The following LIG4 variants were observed in gnomAD, a reference collection of about 807,000 sequenced individuals.
LIG4 encodes the protein DNA ligase 4, also known as DNA joinase.
A neutral mutation model predicts 19.0 loss-of-function variants in LIG4; 13 were observed. The observed-to-expected ratio is 0.68, with a 90% confidence interval of 0.44 to 1.09. The LOEUF is 1.09. Ranked by LOEUF, LIG4 falls within the 50% of genes least tolerant of loss-of-function variation. The probability of loss-of-function intolerance (pLI) is 0.00; values close to 1 mark genes in which losing one functional copy is unlikely to be tolerated. For missense variants in LIG4, 1,026 were observed against 1,089.7 expected (o/e 0.94, Z 0.82); for synonymous variants, 361 against 358.2 (o/e 1.01, Z -0.09).
Position 108,210,253 on chromosome 13 carries a change from G to A in LIG4, c.1016C>T (p.Thr339Ile), listed in dbSNP as rs549389506. The A allele has an allele frequency of 1.5e-5, 25 of 1,613,654 alleles. No homozygotes were observed. The highest frequency in any genetic ancestry group is 2.0e-5 in the Non-Finnish European group (24 of 1,179,836). ...DGEMMAYNPN[T>I]QTFMQKGTKF... Reference sequence around the variant, plus strand: ...AGTTCCCTTTTGCATGAAAGTTTGTGTATTAGGATTATAGGCCATCATCTC... The same window carrying A: ...AGTTCCCTTTTGCATGAAAGTTTGTATATTAGGATTATAGGCCATCATCTC... The change falls in exon 3 of 3, where the codon ACA becomes ATA. Residue 339 changes from threonine to isoleucine, a missense_variant. By Grantham distance (89) the Thr-to-Ile change is moderately conservative. Around this residue, in one of 3 missense-constraint regions of LIG4, gnomAD observed 493 missense variants for 544.5 expected, o/e 0.91. Coordinates refer to ENST00000442234, the MANE Select transcript of LIG4 (RefSeq NM_206937.2).
chr13:108,216,439 G>A (rs1055790886), upstream of LIG4, among the ~76,000 whole-genome samples: 4 of 152,208 alleles, frequency 2.6e-5, no homozygotes, highest in Non-Finnish European at 5.9e-5. Context: ...TGCCCTTAGA[G>A]GTTGTGTAAT....
intron 1 of LIG4, 170 bp from the exon 2 acceptor site, chr13:108,214,780 TGGACTCG>T (rs1397615938): frequency 6.6e-6 from 1 of 152,192 alleles, no homozygotes; most frequent in Non-Finnish European, 1.5e-5. Flanking sequence ...TACAGCGCTG[TGGACTCG>T]GCAACTCCCA....
chr13:108,217,102 G>C (rs540540789), upstream of LIG4, among the ~76,000 whole-genome samples: 1 of 152,172 alleles, frequency 6.6e-6, no homozygotes, highest in African/African-American at 2.4e-5. Flanking sequence ...ACCACAGGCC[G>C]GGCCAGTGGC....
At chr13:108,212,172 T>A (rs985196667) in intron 2 of LIG4, among the ~76,000 whole-genome samples, 2 of 140,448 alleles carry the variant, frequency 1.4e-5, no homozygotes, top group African/African-American at 2.7e-5. Flanking sequence ...AAAGAAAATA[T>A]ATTCTGTAAA....
chr13:108,208,588 AC>A lies in LIG4; in HGVS notation c.2680del (p.Val894Ter), dbSNP rs763975869. On this transcript the variant is annotated frameshift_variant, in exon 3 of 3. Transcript: ENST00000442234. LOFTEE classifies it high-confidence loss of function. ...RKFKILKESW[V>X]TDSIDKCELQ... is the part of the protein sequence containing the mutation. ...TTCACACTTGTCTATTGAATCAGTT[AC>A]CCAACTTTCTTTTAGGATTTTAAAC... is the stretch of plus-strand genomic sequence containing the variant. 1 of 1,613,150 alleles carries A rather than the reference AC, an allele frequency of 6.2e-7. No individual in the cohort carries two copies. The highest frequency in any genetic ancestry group is 8.5e-7 in the Non-Finnish European group (1 of 1,179,394).
intron 2 of LIG4, among the ~76,000 whole-genome samples, chr13:108,213,891 T>G (rs1442621816): frequency 6.6e-6 from 1 of 152,230 alleles, no homozygotes; most frequent in Non-Finnish European, 1.5e-5. Context: ...GTCTTGATAA[T>G]TTTAATACTA....
rs1428996842 is a variant in LIG4 at position 108,207,731 on chromosome 13, G to C, written c.*802C>G. On this transcript the variant is annotated 3_prime_UTR_variant, in exon 3 of 3. Transcript: ENST00000442234. ...TTCTAATGAAAGTTACAATATGCAT[G>C]CCATATTGACACCTATTCAATAGAT... 2.0e-5 allele frequency: 3 copies of C among 152,076 alleles called. No individual in the cohort carries two copies. The highest frequency in any genetic ancestry group is 4.4e-5 in the Non-Finnish European group (3 of 67,996). The allele number at this position is 152,076 out of a possible 1,614,324, so 9.4% of individuals were successfully genotyped here.
At chr13:108,212,071 C>A (rs1045114578) in intron 2 of LIG4, among the ~76,000 whole-genome samples, 8 of 151,242 alleles carry the variant, frequency 5.3e-5, no homozygotes, top group African/African-American at 1.9e-4. Context: ...TTCATATTTC[C>A]ATGCCAGTTA....
Position 108,209,327 on chromosome 13 carries a change from T to C in LIG4, c.1942A>G (p.Asn648Asp). The C allele has an allele frequency of 1.2e-6, 2 of 1,614,098 alleles. No homozygotes were observed. The highest frequency in any genetic ancestry group is 1.7e-6 in the Non-Finnish European group (2 of 1,179,960). Residue 648 changes from asparagine to aspartate, a missense_variant, in exon 3 of 3, where the codon AAC becomes GAC. By Grantham distance (23) the Asn-to-Asp change is conservative (BLOSUM62 1). Transcript: ENST00000442234. ...IGIIEHLKAPNLTNVNKISNI... is the reference protein window; with the variant it reads ...IGIIEHLKAPDLTNVNKISNI... ...GAAATTTTGTTAACGTTAGTAAGGT[T>C]AGGTGCTTTTAAGTGCTCAATAATT... is the stretch of plus-strand genomic sequence containing the variant.
At position 108,208,744 on chromosome 13, in the gene LIG4, G is replaced by C. The variant is rs72660870; in HGVS notation, c.2525C>G (p.Ala842Gly). 4 of 1,614,116 alleles carry C rather than the reference G, an allele frequency of 2.5e-6. No homozygotes were observed. The highest frequency in any genetic ancestry group is 3.4e-6 in the Non-Finnish European group (4 of 1,180,014). The change falls in exon 3 of 3, where the codon GCC becomes GGC. Residue 842 changes from alanine to glycine, a missense_variant. Physicochemically the swap from Ala to Gly is moderately conservative, Grantham distance 60. Transcript: ENST00000442234. Reference protein sequence around the residue: ...KNEGTRLAIKALELRFHGAKV... With the variant: ...KNEGTRLAIKGLELRFHGAKV... ...TGCTCCATGAAACCGAAGCTCCAAG[G>C]CTTTAATAGCTAACCTTGTCCCCTC...
Position 108,209,062 on chromosome 13 carries a change from A to T in LIG4, c.2207T>A (p.Val736Glu). The T allele has an allele frequency of 6.2e-7, 1 of 1,614,186 alleles. No homozygotes were observed. The highest frequency in any genetic ancestry group is 8.5e-7 in the Non-Finnish European group (1 of 1,180,034). Reference sequence around the variant, plus strand: ...AATCATAAAGCGAGGCTGCCATGGTACAAAGCTTTTGGTCTTAAAACATTC... The same window carrying T: ...AATCATAAAGCGAGGCTGCCATGGTTCAAAGCTTTTGGTCTTAAAACATTC... ...LLECFKTKSF[V>E]PWQPRFMIHM... The change falls in exon 3 of 3, where the codon GTA becomes GAA. Residue 736 changes from valine (V) to glutamate (E), a missense_variant. Physicochemically the swap from Val to Glu is moderately radical, Grantham distance 121. Transcript: ENST00000442234.
In LIG4 at chr13:108,210,638, C is replaced by G; in HGVS notation, c.631G>C (p.Ala211Pro). 2 of 1,613,682 alleles carry G rather than the reference C, an allele frequency of 1.2e-6. No individual in the cohort carries two copies. Among genetic ancestry groups the G allele is most frequent in the Non-Finnish European group, 1.7e-6 (2 of 1,179,962 alleles). Residue 211 changes from alanine to proline, a missense_variant, in exon 3 of 3, where the codon GCT becomes CCT. Physicochemically the swap from Ala to Pro is conservative, Grantham distance 27 (BLOSUM62 -1). Transcript: ENST00000442234. ...QTIFSVFHND[A>P]AELHNVTTDL... The stretch of plus-strand genomic sequence containing the variant: ...GTAGTGACATTATGCAACTCAGCAG[C>G]ATCATTATGAAAAACAGAAAAGATA...
chr13:108,215,071 C>A (rs1214613295), intron 1 of LIG4, among the ~76,000 whole-genome samples: 1 of 86,502 alleles, frequency 1.2e-5, no homozygotes, highest in Admixed American at 1.1e-4. Context: ...CCCCACACCC[C>A]CCACTTGACT....
Position 108,209,598 on chromosome 13 carries a change from A to T in LIG4, c.1671T>A (p.Val557=). The T allele has an allele frequency of 6.2e-7, 1 of 1,614,140 alleles. No homozygotes were observed. Among genetic ancestry groups the T allele is most frequent in the African/African-American group, 1.3e-5 (1 of 75,036 alleles). The part of the protein sequence containing the change: ...VYIEPCNSVI[V]QIKAAEIVPS... ...GTACGATCTCTGCTGCTTTAATCTG[A>T]ACAATGACAGAATTACAAGGTTCAA... The change falls in exon 3 of 3, where the codon GTT becomes GTA. Residue 557 remains valine (V), a synonymous_variant. Transcript: ENST00000442234.
rs776444477 is a variant in LIG4 at position 108,208,959 on chromosome 13, G to A, written c.2310C>T (p.Asp770=). The part of the protein sequence containing the change: ...CYGDSYFIDT[D]LNQLKEVFSG... ...AGAATACTTCCTTCAGTTGGTTCAA[G>A]TCTGTATCAATGAAATAACTATCAC... The change falls in exon 3 of 3, where the codon GAC becomes GAT. Residue 770 remains aspartate (D), a synonymous_variant. Transcript: ENST00000442234. 17 of 1,614,026 alleles carry A rather than the reference G, an allele frequency of 1.1e-5. No individual in the cohort carries two copies. The Admixed American group carries it at 1.5e-4, about 14-fold the overall frequency.
In LIG4 at chr13:108,209,168, T is replaced by C; in HGVS notation, c.2101A>G (p.Ile701Val). 6.2e-7 allele frequency: 1 copy of C among 1,614,200 alleles called. No individual in the cohort carries two copies. The highest frequency in any genetic ancestry group is 8.5e-7 in the Non-Finnish European group (1 of 1,180,024). Residue 701 changes from isoleucine to valine, a missense_variant, in exon 3 of 3, where the codon ATT (isoleucine) becomes GTT (valine). By Grantham distance (29) the Ile-to-Val change is conservative. This residue lies in a region of LIG4 where 521 missense variants were observed against 515.5 expected (regional missense o/e 1.01). Transcript: ENST00000442234. The stretch of plus-strand genomic sequence containing the variant: ...ACTCTGATGTTCTCAGACCCTGCAA[T>C]TACACAGTACGTGTCTGGGCCTGGA... Reference protein sequence around the residue: ...QNPGPDTYCVIAGSENIRVKN... With the variant: ...QNPGPDTYCVVAGSENIRVKN...
rs1024790397 is a variant in LIG4, at chr13:108,207,606, T to C, written c.*927A>G. 1.3e-5 allele frequency: 2 copies of C among 152,166 alleles called. No individual in the cohort carries two copies. The highest frequency in any genetic ancestry group is 2.9e-5 in the Non-Finnish European group (2 of 68,020). The allele number at this position is 152,166 out of a possible 1,614,324, so 9.4% of individuals were successfully genotyped here. A position where few individuals can be genotyped will look rare whatever the true frequency, so the allele number is the denominator to read the frequency against. The stretch of plus-strand genomic sequence containing the variant: ...TTCAATATGGTCATGAGATAGGCTG[T>C]ATTCCAAAATTTGGTATATAAATCC... On this transcript the variant is annotated 3_prime_UTR_variant, in exon 3 of 3. Coordinates refer to ENST00000442234, the MANE Select transcript of LIG4 (RefSeq NM_206937.2).
chr13:108,210,588 T>C lies in LIG4; in HGVS notation c.681A>G (p.Gln227=). 2 of 1,613,366 alleles carry C rather than the reference T, an allele frequency of 1.2e-6. No homozygotes were observed. Among genetic ancestry groups the C allele is most frequent in the Non-Finnish European group, 1.7e-6 (2 of 1,179,944 alleles). Residue 227 remains glutamine (Q), a synonymous_variant, in exon 3 of 3, where the codon CAA becomes CAG. Coordinates refer to ENST00000442234, the MANE Select transcript of LIG4 (RefSeq NM_206937.2). ...TGAGTCCTACAGAAGGATCATGCAGTTGCCTACAGACTTTTTCCAGATCTG... is the reference window on the plus strand; with the variant it reads ...TGAGTCCTACAGAAGGATCATGCAGCTGCCTACAGACTTTTTCCAGATCTG... The part of the protein sequence containing the change: ...VTTDLEKVCR[Q]LHDPSVGLSD...
chr13:108,210,256 T>C lies in LIG4; in HGVS notation c.1013A>G (p.Asn338Ser). 1.9e-6 allele frequency: 3 copies of C among 1,613,894 alleles called. No homozygotes were observed. Among genetic ancestry groups the C allele is most frequent in the Non-Finnish European group, 2.5e-6 (3 of 1,179,864 alleles). Residue 338 changes from asparagine (N) to serine (S), a missense_variant, in exon 3 of 3, where the codon AAT (asparagine) becomes AGT (serine). This residue lies in a region of LIG4 where 493 missense variants were observed against 544.5 expected (regional missense o/e 0.91). Coordinates refer to ENST00000442234, the MANE Select transcript of LIG4 (RefSeq NM_206937.2). ...LDGEMMAYNP[N>S]TQTFMQKGTK... ...TCCCTTTTGCATGAAAGTTTGTGTA[T>C]TAGGATTATAGGCCATCATCTCACC...
Sources: gnomAD v4.1 joint callset for allele counts (sites outside exome capture counted in the v4.1 genomes callset) on GRCh38, gnomAD v4.1.1 for gene constraint, gnomAD v4.1.1 regional missense constraint, MANE v1.5 for transcripts, NCBI Gene and HGNC (gene_info 2026-07-23, HGNC 2026-07-21) for gene names.